Variants in SH3KBP1 observed in about 807,000 individuals in gnomAD.
SH3KBP1 encodes the protein SH3 domain-containing kinase-binding protein 1.
Under a neutral mutation model 50.1 loss-of-function variants are expected in SH3KBP1, and 8 were observed. The observed-to-expected ratio is 0.16, with a 90% CI of 0.09 to 0.29. The LOEUF is 0.29. Ranked by LOEUF, SH3KBP1 falls within the 10% of genes least tolerant of loss-of-function variation. SH3KBP1 has a pLI of 1.00. For missense variants in SH3KBP1, 377 were observed against 535.2 expected (o/e 0.70, Z 2.92); for synonymous variants, 227 against 218.6 (o/e 1.04, Z -0.34).
chrX:19,867,682 G>A (rs1277207174), intron 1 of SH3KBP1, among the ~76,000 whole-genome samples: 1 of 111,131 alleles, frequency 9.0e-6, no homozygotes, highest in African/African-American at 3.3e-5. Flanking sequence ...ATGAAAAGGG[G>A]CCGAGGATGG....
intron 13 of SH3KBP1, among the ~76,000 whole-genome samples, chrX:19,567,557 A>AATATATATATATATATATAT (rs1555990522): frequency 2.3e-4 from 8 of 35,083 alleles, no homozygotes; most frequent in African/African-American, 1.4e-3. Flanking sequence ...AAAAAAAAAA[A>AATATATATATATATATATAT]ATATATATAT....
At chrX:19,635,582 A>T (rs987702331) in intron 7 of SH3KBP1, among the ~76,000 whole-genome samples, 1 of 110,090 alleles carries the variant, frequency 9.1e-6, no homozygotes, top group African/African-American at 3.3e-5. Context: ...CATTGGATGT[A>T]TCAGTGGCTT....
At chrX:19,543,494 T>G (rs2064996068) in intron 15 of SH3KBP1, among the ~76,000 whole-genome samples, 1 of 111,162 alleles carries the variant, frequency 9.0e-6, no homozygotes, top group Non-Finnish European at 1.9e-5. Flanking sequence ...TGGAGTCCAC[T>G]TGGTGGAGCC....
intron 3 of SH3KBP1, among the ~76,000 whole-genome samples, chrX:19,741,729 G>A (rs1471269536): frequency 9.0e-6 from 1 of 111,633 alleles, no homozygotes; most frequent in African/African-American, 3.3e-5. Context: ...CGTTTCCCAA[G>A]GGATACAACA....
chrX:19,633,006 A>T (rs1406287774), intron 7 of SH3KBP1, among the ~76,000 whole-genome samples: 1 of 112,231 alleles, frequency 8.9e-6, no homozygotes, highest in Non-Finnish European at 1.9e-5. Flanking sequence ...TAACCTCTTG[A>T]TGACAATTAT....
chrX:19,836,561 TAAC>T lies in SH3KBP1; in HGVS notation c.5-282_5-280del, dbSNP rs1400810037. 6.3e-5 allele frequency among the ~76,000 whole-genome samples: 7 copies of T among 111,741 alleles called. No homozygotes were observed. The South Asian group carries it at 2.2e-3, about 36-fold the overall frequency. On this transcript the variant is annotated intron_variant, in intron 1 of 17. Transcript: ENST00000397821. Reference sequence around the variant, plus strand: ...GGGAAGCTGCATGATGACAGCCAGATAACAACATTTGCCCCACCCAGAGGGTGT... The same window carrying T: ...GGGAAGCTGCATGATGACAGCCAGATAACATTTGCCCCACCCAGAGGGTGT...
chrX:19,693,127 G>A (rs2063338656), intron 5 of SH3KBP1, among the ~76,000 whole-genome samples: 3 of 111,828 alleles, frequency 2.7e-5, no homozygotes, highest in Non-Finnish European at 5.6e-5. Flanking sequence ...TGGCCTCTTT[G>A]TGCCCCACTC....
rs1282306093 is a variant in SH3KBP1 at position 19,672,587 on chromosome X, C to T, written c.726+11236G>A. On this transcript the variant is annotated intron_variant, in intron 6 of 17. Coordinates refer to ENST00000397821, the MANE Select transcript of SH3KBP1 (RefSeq NM_031892.3). ...CTTCAGACAAATGCTTATTTAAGGA[C>T]ATTCTACAAAACTGAAAATTGCCAT... 2.7e-5 allele frequency among the ~76,000 whole-genome samples: 3 copies of T among 112,081 alleles called. 1 individual carries two copies. In the East Asian group the frequency reaches 8.3e-4, roughly 31 times the overall value.
chrX:19,662,654 G>C (rs1476092053), intron 6 of SH3KBP1, among the ~76,000 whole-genome samples: 2 of 111,056 alleles, frequency 1.8e-5, no homozygotes, highest in Non-Finnish European at 3.8e-5. Flanking sequence ...AACTTTTGAG[G>C]TTCCACTTTT....
At chrX:19,725,543 T>C (rs1050042858) in intron 3 of SH3KBP1, among the ~76,000 whole-genome samples, 1 of 111,441 alleles carries the variant, frequency 9.0e-6, no homozygotes, top group African/African-American at 3.3e-5. Context: ...GAGAATCTGC[T>C]GCTCAACCAC....
At chrX:19,569,277 G>A in intron 12 of SH3KBP1, 89 bp from the exon 13 acceptor site, 3 of 835,797 alleles carry the variant, frequency 3.6e-6, no homozygotes, top group Non-Finnish European at 5.3e-6. Flanking sequence ...GTTAAGGAGT[G>A]TGCTGGTGTG....
intron 13 of SH3KBP1, among the ~76,000 whole-genome samples, chrX:19,568,230 T>C (rs750812172): frequency 6.3e-5 from 7 of 111,703 alleles, no homozygotes; most frequent in African/African-American, 2.0e-4. Flanking sequence ...ATAATTTAAT[T>C]GTATATTTTA....
At chrX:19,667,812 ATTT>A (rs779927127) in intron 6 of SH3KBP1, among the ~76,000 whole-genome samples, 1,343 of 55,834 alleles carry the variant, frequency 0.024, 63 homozygotes, top group African/African-American at 0.1. Context: ...TTCTGTTGGG[ATTT>A]TTTTTTTTTT....
At chrX:19,560,126 TAA>T (rs372267050) in intron 13 of SH3KBP1, among the ~76,000 whole-genome samples, 1 of 97,549 alleles carries the variant, frequency 1.0e-5, no homozygotes, top group African/African-American at 3.8e-5. Context: ...TCACTAAAAA[TAA>T]AAAAAAAAAT....
chrX:19,678,624 G>GA (rs1025313560), intron 6 of SH3KBP1, among the ~76,000 whole-genome samples: 15 of 108,574 alleles, frequency 1.4e-4, no homozygotes, highest in Non-Finnish European at 2.3e-4. Flanking sequence ...TATCTATAAT[G>GA]AAAAAAAAAT....
chrX:19,733,068 G>C (rs2064427696), intron 3 of SH3KBP1, among the ~76,000 whole-genome samples: 1 of 111,871 alleles, frequency 8.9e-6, no homozygotes, highest in Non-Finnish European at 1.9e-5. Flanking sequence ...TTAGCCTACT[G>C]TGATGTTTGG....
At chrX:19,642,448 G>A (rs957973357) in intron 7 of SH3KBP1, among the ~76,000 whole-genome samples, 1 of 112,185 alleles carries the variant, frequency 8.9e-6, no homozygotes, top group Non-Finnish European at 1.9e-5. Context: ...GGTTCAGCAG[G>A]GAAAACAGCC....
chrX:19,796,781 A>G (rs916310669), intron 2 of SH3KBP1, among the ~76,000 whole-genome samples: 3 of 112,365 alleles, frequency 2.7e-5, no homozygotes, highest in Non-Finnish European at 3.8e-5. Context: ...AACAAAAATG[A>G]TGCTTAAAAC....
intron 2 of SH3KBP1, among the ~76,000 whole-genome samples, chrX:19,827,785 T>G (rs1319734235): frequency 1.0e-5 from 1 of 96,984 alleles, no homozygotes; most frequent in African/African-American, 3.8e-5. Flanking sequence ...TGCAGTCTTT[T>G]TTTTTTTTTT....
Sources: gnomAD v4.1 joint callset for allele counts (sites outside exome capture counted in the v4.1 genomes callset) on GRCh38, gnomAD v4.1.1 for gene constraint, MANE v1.5 for transcripts, NCBI Gene and HGNC (gene_info 2026-07-23, HGNC 2026-07-21) for gene names.